CDH12: variants seen among roughly 807,000 people sequenced by gnomAD.
The protein encoded by CDH12 is cadherin-12.
CDH12 carries 41 observed loss-of-function variants against 74.1 expected under a neutral mutation model. That is an observed-to-expected ratio of 0.55 (90% CI 0.43 to 0.72). The LOEUF is 0.72. Ranked by LOEUF, CDH12 falls within the 30% of genes least tolerant of loss-of-function variation. CDH12 has a pLI of 0.00. For missense variants in CDH12, 945 were observed against 977.2 expected, an observed-to-expected ratio of 0.97 and a Z score of 0.44; for synonymous variants, 399 against 355.0, an observed-to-expected ratio of 1.12 and a Z score of -1.39.
At chr5:22,247,263 C>T (rs577373244) in intron 3 of CDH12, among the ~76,000 whole-genome samples, 1 of 151,784 alleles carries the variant, frequency 6.6e-6, no homozygotes, top group Non-Finnish European at 1.5e-5. Context: ...CAGTTACTTC[C>T]CCTTCTCTTC....
chr5:22,831,758 C>T (rs559669548), intron 1 of CDH12, among the ~76,000 whole-genome samples: 22 of 151,848 alleles, frequency 1.4e-4, no homozygotes, highest in Non-Finnish European at 2.8e-4. Flanking sequence ...ATTAGCTGGG[C>T]GCGGTGGCGA....
intron 4 of CDH12, among the ~76,000 whole-genome samples, chr5:22,104,520 ATTAGCAGGG>A (rs2150253215): frequency 6.6e-6 from 1 of 152,290 alleles, no homozygotes; most frequent in South Asian, 2.1e-4. Context: ...TTGTTTTGTT[ATTAGCAGGG>A]ATATCCCTGA....
intron 3 of CDH12, among the ~76,000 whole-genome samples, chr5:22,331,968 G>A (rs1739368879): frequency 6.6e-6 from 1 of 152,032 alleles, no homozygotes; most frequent in East Asian, 1.9e-4. Context: ...ACTATCAGAG[G>A]AGACAAAGAA....
intron 1 of CDH12, among the ~76,000 whole-genome samples, chr5:22,669,506 G>A (rs936293139): frequency 6.6e-6 from 1 of 152,112 alleles, no homozygotes; most frequent in South Asian, 2.1e-4. Context: ...AAAAGGCTAC[G>A]TTTCCTGGCT....
chr5:22,814,501 A>G (rs1749295677), intron 1 of CDH12, among the ~76,000 whole-genome samples: 1 of 152,176 alleles, frequency 6.6e-6, no homozygotes, highest in African/African-American at 2.4e-5. Context: ...GACAATTCAT[A>G]AATGCCACGC....
chr5:22,346,500 T>G (rs1446875070), intron 3 of CDH12, among the ~76,000 whole-genome samples: 1 of 152,214 alleles, frequency 6.6e-6, no homozygotes. Flanking sequence ...TTATAAATGT[T>G]ATATGTCACT....
At chr5:21,934,917 A>G (rs1432803208) in intron 6 of CDH12, among the ~76,000 whole-genome samples, 5 of 151,856 alleles carry the variant, frequency 3.3e-5, no homozygotes, top group South Asian at 4.2e-4. Flanking sequence ...CTCCCGAGTA[A>G]CTGCGACTAC....
Position 21,978,729 on chromosome 5 carries a change from CTG to C in CDH12, c.232-3346_232-3345del, listed in dbSNP as rs1189564898. On this transcript the variant is annotated intron_variant, in intron 5 of 14. Coordinates refer to ENST00000382254, the MANE Select transcript of CDH12 (RefSeq NM_004061.5). ...TGGGCACTCTGTATTCCTTCATAAA[CTG>C]TGTGGTGAATGTGCGTGTGTGTATG... 5.9e-5 allele frequency among the ~76,000 whole-genome samples: 9 copies of C among 152,052 alleles called. 1 individual carries two copies. The highest frequency in any genetic ancestry group is 5.9e-4 in the Admixed American group (9 of 15,260).
At chr5:22,785,322 T>G (rs532294450) in intron 1 of CDH12, among the ~76,000 whole-genome samples, 2 of 152,192 alleles carry the variant, frequency 1.3e-5, no homozygotes, top group African/African-American at 4.8e-5. Context: ...AAGACCAGTA[T>G]GATAAGTTGT....
intron 1 of CDH12, among the ~76,000 whole-genome samples, chr5:22,556,264 A>G (rs1344150759): frequency 6.6e-6 from 1 of 152,090 alleles, no homozygotes; most frequent in Non-Finnish European, 1.5e-5. Context: ...ACAGACTTCT[A>G]AGATCCATGA....
intron 4 of CDH12, among the ~76,000 whole-genome samples, chr5:22,086,073 G>A (rs968160608): frequency 1.3e-5 from 2 of 152,088 alleles, no homozygotes; most frequent in Non-Finnish European, 2.9e-5. Context: ...AATGACATAT[G>A]ACTCTCTCTC....
intron 1 of CDH12, among the ~76,000 whole-genome samples, chr5:22,704,123 A>G (rs182539225): frequency 4.7e-4 from 72 of 152,290 alleles, no homozygotes; most frequent in African/African-American, 1.7e-3. Flanking sequence ...GAAAATCAGA[A>G]ATATTTTTCA....
chr5:22,342,810 TTCTC>T (rs1189863726), intron 3 of CDH12, among the ~76,000 whole-genome samples: 6 of 147,624 alleles, frequency 4.1e-5, no homozygotes, highest in African/African-American at 5.1e-5. Context: ...TTCTCTTTCT[TTCTC>T]TCTTTCTCTC....
At chr5:22,653,520 A>C (rs1376792309) in intron 1 of CDH12, among the ~76,000 whole-genome samples, 1 of 151,880 alleles carries the variant, frequency 6.6e-6, no homozygotes, top group African/African-American at 2.4e-5. Context: ...TATATCTACC[A>C]GTGAGTTCTG....
At chr5:22,013,221 A>T (rs1175721989) in intron 5 of CDH12, among the ~76,000 whole-genome samples, 1 of 152,200 alleles carries the variant, frequency 6.6e-6, no homozygotes, top group Non-Finnish European at 1.5e-5. Context: ...GGAAGCAAGG[A>T]ATCTTCTTCA....
In CDH12 at chr5:22,033,202, G is replaced by A. The variant is rs992414672; in HGVS notation, c.231+45244C>T. On this transcript the variant is annotated intron_variant, in intron 5 of 14. Transcript: ENST00000382254. Reference sequence around the variant, plus strand: ...ATACATTCTGTGAGTAGAAAATGGAGCTGTAATTTATTGCTCCAGGAAATT... The same window carrying A: ...ATACATTCTGTGAGTAGAAAATGGAACTGTAATTTATTGCTCCAGGAAATT... Among the ~76,000 whole-genome samples the A allele has an allele frequency of 2.0e-4, 31 of 152,132 alleles. 1 individual carries two copies. Among genetic ancestry groups the A allele is most frequent in the African/African-American group, 6.8e-4 (28 of 41,424 alleles).
intron 4 of CDH12, among the ~76,000 whole-genome samples, chr5:22,091,884 T>A (rs112555080): frequency 2.1e-4 from 32 of 151,960 alleles, no homozygotes; most frequent in African/African-American, 6.3e-4. Context: ...GGAATAGAGA[T>A]CCTAAAATAA....
intron 6 of CDH12, among the ~76,000 whole-genome samples, chr5:21,927,706 A>G (rs1754649389): frequency 6.6e-6 from 1 of 152,144 alleles, no homozygotes; most frequent in Non-Finnish European, 1.5e-5. Context: ...AAAGAACTGG[A>G]AAGACTGTGG....
intron 3 of CDH12, among the ~76,000 whole-genome samples, chr5:22,376,462 T>C (rs1561356340): frequency 6.6e-6 from 1 of 152,136 alleles, no homozygotes. Context: ...CTTGAAATGT[T>C]TCTAACACAA....
Sources: allele counts gnomAD v4.1 joint callset (sites outside exome capture counted in the v4.1 genomes callset), GRCh38; gene constraint gnomAD v4.1.1; transcripts MANE v1.5; gene names NCBI Gene and HGNC (gene_info 2026-07-23, HGNC 2026-07-21).